The following CSMD1 variants were observed in gnomAD, a reference collection of about 807,000 sequenced individuals.
The protein encoded by CSMD1 is CUB and sushi domain-containing protein 1.
A neutral mutation model predicts 417.5 loss-of-function variants in CSMD1; 213 were observed. That is an observed-to-expected ratio of 0.51 (90% CI 0.46 to 0.57). CSMD1 has a LOEUF of 0.57. Among genes scored for constraint, CSMD1 ranks in the 20% least tolerant of loss-of-function variants. CSMD1 has a pLI of 0.00. For missense variants in CSMD1, 6,923 were observed against 4,529.7 expected (o/e 1.53, Z -15.17); for synonymous variants, 2,862 against 1,736.8 (o/e 1.65, Z -16.11).
chr8:4,730,598 G>T (rs187408493), intron 1 of CSMD1, among the ~76,000 whole-genome samples: 1 of 151,886 alleles, frequency 6.6e-6, no homozygotes, highest in African/African-American at 2.4e-5. Flanking sequence ...AAAATTAGCC[G>T]GGCGTGGTGG....
intron 1 of CSMD1, among the ~76,000 whole-genome samples, chr8:4,729,243 G>A (rs532126927): frequency 6.6e-6 from 1 of 152,106 alleles, no homozygotes; most frequent in Non-Finnish European, 1.5e-5. Context: ...AAATTATGCT[G>A]ACGAGGAAAG....
At chr8:4,421,907 C>T (rs1236999290) in intron 2 of CSMD1, among the ~76,000 whole-genome samples, 3 of 151,898 alleles carry the variant, frequency 2.0e-5, no homozygotes, top group African/African-American at 2.4e-5. Context: ...TTGAAAAAGA[C>T]TGACTAAATA....
chr8:4,409,821 T>G (rs139100375), intron 3 of CSMD1, among the ~76,000 whole-genome samples: 326 of 152,184 alleles, frequency 2.1e-3, no homozygotes, highest in Non-Finnish European at 3.7e-3. Flanking sequence ...ACTTTTAGTT[T>G]GTTTGTCTTT....
intron 1 of CSMD1, among the ~76,000 whole-genome samples, chr8:4,880,368 C>T (rs1803311712): frequency 6.6e-6 from 1 of 152,086 alleles, no homozygotes; most frequent in Non-Finnish European, 1.5e-5. Context: ...CGTCTGAACA[C>T]ACAAACCACT....
chr8:4,727,443 G>C (rs1312423850), intron 1 of CSMD1, among the ~76,000 whole-genome samples: 1 of 152,188 alleles, frequency 6.6e-6, no homozygotes, highest in Admixed American at 6.5e-5. Flanking sequence ...TTATGCGTAA[G>C]ATAGTTCTAA....
intron 1 of CSMD1, among the ~76,000 whole-genome samples, chr8:4,841,846 G>A (rs1274170001): frequency 6.9e-6 from 1 of 143,948 alleles, no homozygotes; most frequent in Non-Finnish European, 1.5e-5. Context: ...GGGAGGTGGA[G>A]GTTACAGTGA....
At chr8:3,068,585 G>A (rs796365308) in intron 49 of CSMD1, among the ~76,000 whole-genome samples, 13 of 152,142 alleles carry the variant, frequency 8.5e-5, no homozygotes, top group African/African-American at 2.9e-4. Flanking sequence ...CAGGCTGTAC[G>A]GGAAACAAGG....
At chr8:4,212,554 TA>T (rs1160034943) in intron 3 of CSMD1, among the ~76,000 whole-genome samples, 1 of 152,042 alleles carries the variant, frequency 6.6e-6, no homozygotes, top group Non-Finnish European at 1.5e-5. Context: ...TTTTTTTTTC[TA>T]AAATAAAGAA....
intron 4 of CSMD1, among the ~76,000 whole-genome samples, chr8:4,031,396 T>C (rs1316768216): frequency 6.6e-6 from 1 of 152,146 alleles, no homozygotes; most frequent in Non-Finnish European, 1.5e-5. Context: ...AAGAGAGAGC[T>C]TGTGCAGGGG....
intron 1 of CSMD1, among the ~76,000 whole-genome samples, chr8:4,856,058 C>T (rs6420219): frequency 0.85 from 129,795 of 152,154 alleles, 56,209 homozygotes; most frequent in East Asian, 1. Flanking sequence ...AGAGTAACAG[C>T]GGATCTCTCG....
chr8:3,181,637 G>C (rs58233876), intron 36 of CSMD1, among the ~76,000 whole-genome samples: 2,160 of 152,302 alleles, frequency 0.014, 49 homozygotes, highest in African/African-American at 0.049. Context: ...TCCTTCAGAA[G>C]ACGTTGCTTT....
chr8:4,046,738 TTC>T (rs1286377795), intron 3 of CSMD1, among the ~76,000 whole-genome samples: 1 of 152,230 alleles, frequency 6.6e-6, no homozygotes, highest in African/African-American at 2.4e-5. Flanking sequence ...TAAACTTTTT[TTC>T]TGTTTCCCCC....
intron 5 of CSMD1, among the ~76,000 whole-genome samples, chr8:3,980,445 T>G (rs1165925167): frequency 3.3e-5 from 5 of 152,188 alleles, no homozygotes; most frequent in Non-Finnish European, 7.4e-5. Context: ...CTTCACATCT[T>G]ACACGTTTGT....
At chr8:4,491,077 A>T (rs1307244006) in intron 2 of CSMD1, among the ~76,000 whole-genome samples, 2 of 152,156 alleles carry the variant, frequency 1.3e-5, no homozygotes, top group African/African-American at 4.8e-5. Context: ...GGACCTAATA[A>T]GACATGAGCT....
At position 3,925,816 on chromosome 8, in the gene CSMD1, T is replaced by TA. The variant is rs938055923; in HGVS notation, c.818+72086dup. Among the ~76,000 whole-genome samples the TA allele has an allele frequency of 2.0e-4, 30 of 152,180 alleles. 1 individual carries two copies. The Middle Eastern group carries it at 0.01, about 52-fold the overall frequency. On this transcript the variant is annotated intron_variant, in intron 5 of 69. Coordinates refer to ENST00000635120, the MANE Select transcript of CSMD1 (RefSeq NM_033225.6). ...TTGGGTATGTCTTTATCAGCAGCAT[T>TA]AAAACCAACTAATACGGGCAGTGAA...
intron 12 of CSMD1, among the ~76,000 whole-genome samples, chr8:3,411,742 A>G (rs1335725296): frequency 7.4e-6 from 1 of 134,502 alleles, no homozygotes; most frequent in Non-Finnish European, 1.6e-5. Flanking sequence ...ACACGTGTAT[A>G]TATACACGTG....
intron 5 of CSMD1, among the ~76,000 whole-genome samples, chr8:3,789,306 A>G (rs926353912): frequency 1.3e-5 from 2 of 149,924 alleles, no homozygotes; most frequent in Admixed American, 6.6e-5. Flanking sequence ...GTTTATATTT[A>G]TTGTGACAGC....
In CSMD1 at chr8:4,949,256, G is replaced by A. The variant is rs1585390117; in HGVS notation, c.85+45076C>T. On this transcript the variant is annotated intron_variant, in intron 1 of 69. Transcript: ENST00000635120. ...AATTTTTGCACCTATCTTCATAAAT[G>A]AGAGTGGCCTGGGATTGTCCTTTTC... Among the ~76,000 whole-genome samples, 9 of 152,154 alleles carry A rather than the reference G, an allele frequency of 5.9e-5. 1 individual carries two copies. Among genetic ancestry groups the A allele is most frequent in the Admixed American group, 5.9e-4 (9 of 15,262 alleles).
intron 5 of CSMD1, chr8:3,950,005 G>T: frequency 2.2e-6 from 1 of 455,886 alleles, no homozygotes; most frequent in Non-Finnish European, 4.4e-6. Flanking sequence ...CACTACATTT[G>T]CCAGGGTCCA....
Sources: allele counts gnomAD v4.1 joint callset (sites outside exome capture counted in the v4.1 genomes callset), GRCh38; gene constraint gnomAD v4.1.1; transcripts MANE v1.5; gene names NCBI Gene and HGNC (gene_info 2026-07-23, HGNC 2026-07-21).